Variants in EPHB1 observed in about 807,000 individuals in gnomAD.
EPHB1 encodes the protein ephrin type-B receptor 1.
In EPHB1, 30 loss-of-function variants were observed where a neutral mutation model predicts 94.4. That is an observed-to-expected ratio of 0.32 (90% confidence interval 0.24 to 0.43). The LOEUF is 0.43. EPHB1 is among the 20% of genes least tolerant of loss of function. The pLI, the probability that EPHB1 is intolerant of heterozygous loss-of-function variation, is 1.00. For missense variants in EPHB1, 1,055 were observed against 1,308.3 expected (o/e 0.81, Z 2.99); for synonymous variants, 522 against 489.1 (o/e 1.07, Z -0.89).
intron 2 of EPHB1, among the ~76,000 whole-genome samples, chr3:134,928,775 G>T (rs563668567): frequency 2.6e-5 from 4 of 152,216 alleles, no homozygotes; most frequent in African/African-American, 9.7e-5. Flanking sequence ...AGAGGTGAGA[G>T]CTTTGGATGG....
At chr3:134,882,072 A>G (rs570623542) in intron 1 of EPHB1, among the ~76,000 whole-genome samples, 1 of 152,368 alleles carries the variant, frequency 6.6e-6, no homozygotes, top group Admixed American at 6.5e-5. Flanking sequence ...TCAGGAAAAA[A>G]GATGGGGAAA....
chr3:135,114,114 C>A (rs1939577965), intron 4 of EPHB1, among the ~76,000 whole-genome samples: 1 of 152,204 alleles, frequency 6.6e-6, no homozygotes, highest in Non-Finnish European at 1.5e-5. Flanking sequence ...TGGGTCTCCC[C>A]TATGTGCACT....
chr3:134,930,375 G>T (rs1210359551), intron 2 of EPHB1, among the ~76,000 whole-genome samples: 1 of 152,210 alleles, frequency 6.6e-6, no homozygotes, highest in Non-Finnish European at 1.5e-5. Context: ...AGGCCTTTAG[G>T]TTTAATCTAA....
intron 12 of EPHB1, among the ~76,000 whole-genome samples, chr3:135,220,536 C>CTTG (rs1387974300): frequency 6.6e-6 from 1 of 150,690 alleles, no homozygotes; most frequent in Non-Finnish European, 1.5e-5. Flanking sequence ...ATGGATTCTG[C>CTTG]TTGTGAGTGC....
At chr3:134,809,056 A>T (rs1055289569) in intron 1 of EPHB1, among the ~76,000 whole-genome samples, 6 of 152,186 alleles carry the variant, frequency 3.9e-5, no homozygotes, top group Non-Finnish European at 1.5e-5. Context: ...GAGCTGGCTC[A>T]TTTCCCTTCT....
chr3:135,039,285 A>G (rs1936751321), intron 3 of EPHB1, among the ~76,000 whole-genome samples: 1 of 152,162 alleles, frequency 6.6e-6, no homozygotes, highest in African/African-American at 2.4e-5. Context: ...CAGGGTGCTG[A>G]TTGGTGTATT....
intron 5 of EPHB1, among the ~76,000 whole-genome samples, chr3:135,145,252 T>C (rs1940972664): frequency 6.6e-6 from 1 of 152,214 alleles, no homozygotes; most frequent in Non-Finnish European, 1.5e-5. Flanking sequence ...TCTTCTTTGG[T>C]CATGAGTACT....
chr3:134,893,217 C>T (rs2038021419), intron 1 of EPHB1, among the ~76,000 whole-genome samples: 1 of 152,098 alleles, frequency 6.6e-6, no homozygotes, highest in South Asian at 2.1e-4. Flanking sequence ...AAATGTAAGC[C>T]TATAAAACCT....
chr3:134,828,997 A>G (rs2036534709), intron 1 of EPHB1, among the ~76,000 whole-genome samples: 1 of 152,180 alleles, frequency 6.6e-6, no homozygotes, highest in South Asian at 2.1e-4. Flanking sequence ...GTCATACCCT[A>G]TTTTGGGGAA....
At chr3:135,083,988 G>T (rs1444959444) in intron 3 of EPHB1, among the ~76,000 whole-genome samples, 1 of 152,066 alleles carries the variant, frequency 6.6e-6, no homozygotes, top group Non-Finnish European at 1.5e-5. Flanking sequence ...TGGTGAAATC[G>T]CTACTGAGGC....
chr3:135,036,316 T>C (rs957249181), intron 3 of EPHB1, among the ~76,000 whole-genome samples: 2 of 152,196 alleles, frequency 1.3e-5, no homozygotes, highest in African/African-American at 4.8e-5. Context: ...AGCTGGGGGT[T>C]GCTTGAATTG....
intron 6 of EPHB1, among the ~76,000 whole-genome samples, chr3:135,155,145 C>T: frequency 6.6e-6 from 1 of 152,020 alleles, no homozygotes; most frequent in East Asian, 1.9e-4. Context: ...GTGAACATAA[C>T]ACATAAGAAA....
chr3:134,806,725 A>G (rs2036048288), intron 1 of EPHB1, among the ~76,000 whole-genome samples: 2 of 152,266 alleles, frequency 1.3e-5, no homozygotes, highest in African/African-American at 4.8e-5. Flanking sequence ...TCAACACTTA[A>G]TAACAAATAT....
chr3:134,926,423 G>C (rs2038792145), intron 2 of EPHB1, among the ~76,000 whole-genome samples: 2 of 152,210 alleles, frequency 1.3e-5, no homozygotes, highest in Non-Finnish European at 2.9e-5. Context: ...GCACAGAGTT[G>C]GGAATGAGAA....
chr3:134,917,625 G>C (rs1418575330), intron 1 of EPHB1, among the ~76,000 whole-genome samples: 1 of 152,250 alleles, frequency 6.6e-6, no homozygotes, highest in Non-Finnish European at 1.5e-5. Flanking sequence ...GTGCTGATCT[G>C]TATGTCCTTT....
chr3:134,910,960 T>C (rs551085929), intron 1 of EPHB1, among the ~76,000 whole-genome samples: 1 of 152,350 alleles, frequency 6.6e-6, no homozygotes, highest in South Asian at 2.1e-4. Context: ...CAATCAATCC[T>C]GTGGAACAGG....
rs535559027 is a variant in EPHB1 at position 134,862,816 on chromosome 3, C to T, written c.59-63000C>T. Among the ~76,000 whole-genome samples, 5 of 152,332 alleles carry T rather than the reference C, an allele frequency of 3.3e-5. No homozygotes were observed. The South Asian group carries it at 1.0e-3, about 32-fold the overall frequency. ...AGCACAGTTGATGACCCTCCTGTTC[C>T]TCCTCCTGGAGCCAACAGGGGCTGT... is the stretch of plus-strand genomic sequence containing the variant. On this transcript the variant is annotated intron_variant, in intron 1 of 15. Coordinates refer to ENST00000398015, the MANE Select transcript of EPHB1 (RefSeq NM_004441.5).
chr3:134,828,746 G>T (rs1035154250), intron 1 of EPHB1, among the ~76,000 whole-genome samples: 13 of 152,200 alleles, frequency 8.5e-5, no homozygotes, highest in Non-Finnish European at 1.6e-4. Context: ...GGGTCTAATG[G>T]TGCTTCCTGG....
chr3:135,067,226 C>T (rs1023569810), intron 3 of EPHB1, among the ~76,000 whole-genome samples: 1 of 152,080 alleles, frequency 6.6e-6, no homozygotes, highest in African/African-American at 2.4e-5. Flanking sequence ...GGAGAGGCAC[C>T]AGCGTGGGGA....
Sources: gnomAD v4.1 joint callset for allele counts (sites outside exome capture counted in the v4.1 genomes callset) on GRCh38, gnomAD v4.1.1 for gene constraint, MANE v1.5 for transcripts, NCBI Gene and HGNC (gene_info 2026-07-23, HGNC 2026-07-21) for gene names.